CYRIB: variants seen among roughly 807,000 people sequenced by gnomAD.
CYRIB encodes the protein CYFIP related Rac1 interactor B, also known as CYFIP-related Rac1 interactor B.
In CYRIB, 8 loss-of-function variants were observed where a neutral mutation model predicts 44.2. The ratio of observed to expected loss-of-function variants is 0.18; its 90% CI spans 0.11 to 0.33. The LOEUF is 0.33. Among genes scored for constraint, CYRIB ranks in the 10% least tolerant of loss-of-function variants. The pLI, the probability that CYRIB is intolerant of heterozygous loss-of-function variation, is 1.00. For synonymous variants in CYRIB, 131 were observed against 127.2 expected (o/e 1.03, Z -0.20); for missense variants, 185 against 382.8 (o/e 0.48, Z 4.31).
intron 3 of CYRIB, among the ~76,000 whole-genome samples, chr8:129,877,663 G>GATGT (rs3222125): frequency 9.9e-5 from 13 of 130,684 alleles, no homozygotes; most frequent in African/African-American, 3.9e-4. Flanking sequence ...AAAAAAAAAA[G>GATGT]GTGTGTGTGT....
intron 1 of CYRIB, among the ~76,000 whole-genome samples, chr8:129,938,831 A>G (rs2093273155): frequency 6.6e-6 from 1 of 152,228 alleles, no homozygotes; most frequent in Admixed American, 6.5e-5. Context: ...AAAGGTACTC[A>G]GTATGACCCA....
At chr8:130,000,580 C>A (rs530103597) in intron 1 of CYRIB, among the ~76,000 whole-genome samples, 50 of 152,234 alleles carry the variant, frequency 3.3e-4, no homozygotes, top group African/African-American at 1.2e-3. Flanking sequence ...ACAGTCCCAG[C>A]TACTCAGAGG....
chr8:129,853,480 T>C (rs2044447735), intron 7 of CYRIB, among the ~76,000 whole-genome samples: 1 of 152,346 alleles, frequency 6.6e-6, no homozygotes, highest in Admixed American at 6.5e-5. Flanking sequence ...ATTTTAAATA[T>C]CTTATGCCAC....
chr8:129,897,272 C>T (rs1250282097), intron 2 of CYRIB, among the ~76,000 whole-genome samples: 3 of 152,138 alleles, frequency 2.0e-5, no homozygotes, highest in Non-Finnish European at 4.4e-5. Flanking sequence ...AAATTTTAGA[C>T]TTTGGTCAAT....
intron 1 of CYRIB, among the ~76,000 whole-genome samples, chr8:129,910,743 G>A (rs534413710): frequency 2.5e-4 from 38 of 152,164 alleles, no homozygotes; most frequent in Non-Finnish European, 3.8e-4. Flanking sequence ...GGCCACAGTG[G>A]GCTATGAGTG....
rs1011353781 is a variant in CYRIB at position 129,871,251 on chromosome 8, T to A, written c.195+124A>T. ...CAATCACTTCTGAAACAATGCCAAG[T>A]GAGCATCCTTCAAATATAATACTTA... On this transcript the variant is annotated intron_variant, in intron 4 of 11. Coordinates refer to ENST00000519824, the Ensembl canonical transcript of CYRIB. 4.4e-6 allele frequency: 5 copies of A among 1,132,292 alleles called. No individual in the cohort carries two copies. The African/African-American group carries it at 8.2e-5, about 19-fold the overall frequency. 70.1% of individuals were successfully genotyped at this position (1,132,292 alleles called of 1,614,324 possible).
chr8:129,889,388 A>C (rs949005675), intron 2 of CYRIB, among the ~76,000 whole-genome samples: 3 of 152,240 alleles, frequency 2.0e-5, no homozygotes, highest in African/African-American at 7.2e-5. Flanking sequence ...CTCATGGATC[A>C]CAAAGTAATT....
chr8:129,971,184 G>A (rs1429690007), intron 1 of CYRIB, among the ~76,000 whole-genome samples, 189 bp from the exon 2 acceptor site: 2 of 152,170 alleles, frequency 1.3e-5, no homozygotes, highest in African/African-American at 4.8e-5. Flanking sequence ...CTGTCGCCTA[G>A]GCTGGAGTGC....
intron 2 of CYRIB, among the ~76,000 whole-genome samples, chr8:129,966,667 A>G (rs917400022): frequency 9.2e-5 from 14 of 152,320 alleles, no homozygotes; most frequent in South Asian, 2.1e-4. Context: ...ATTCAAGACC[A>G]GCCTCTATAA....
chr8:129,884,576 C>T (rs1420402851), intron 2 of CYRIB, among the ~76,000 whole-genome samples: 1 of 152,156 alleles, frequency 6.6e-6, no homozygotes, highest in Non-Finnish European at 1.5e-5. Flanking sequence ...GCGTGAGCCA[C>T]CAGGCCCGGC....
intron 5 of CYRIB, among the ~76,000 whole-genome samples, chr8:129,859,971 G>GGTAATC (rs1267524470): frequency 1.3e-5 from 2 of 152,154 alleles, no homozygotes; most frequent in African/African-American, 4.8e-5. Flanking sequence ...AAATTAAGCA[G>GGTAATC]GTAATCCTTG....
intron 3 of CYRIB, among the ~76,000 whole-genome samples, chr8:129,876,849 TA>T (rs1287799746): frequency 6.6e-6 from 1 of 152,210 alleles, no homozygotes; most frequent in African/African-American, 2.4e-5. Flanking sequence ...GTGACATGAA[TA>T]TTAAAGTGCA....
At chr8:129,930,379 A>ATATATATATATATATATATATATG (rs971468534) in intron 1 of CYRIB, among the ~76,000 whole-genome samples, 1 of 130,136 alleles carries the variant, frequency 7.7e-6, no homozygotes, top group Non-Finnish European at 1.6e-5. Flanking sequence ...ATATATATAT[A>ATATATATATATATATATATATATG]TTTTAATTAT....
intron 1 of CYRIB, among the ~76,000 whole-genome samples, chr8:129,991,393 G>A (rs1262755697): frequency 1.3e-5 from 2 of 152,116 alleles, no homozygotes; most frequent in African/African-American, 2.4e-5. Context: ...TGGATCATGA[G>A]GACTCTGCCC....
intron 5 of CYRIB, among the ~76,000 whole-genome samples, chr8:129,861,832 G>A (rs146094952): frequency 1.3e-5 from 2 of 152,036 alleles, no homozygotes; most frequent in Non-Finnish European, 2.9e-5. Context: ...TGATTTCTTT[G>A]GATGCTAAAG....
chr8:129,884,856 A>AT (rs915275411), intron 2 of CYRIB, among the ~76,000 whole-genome samples: 13 of 152,162 alleles, frequency 8.5e-5, no homozygotes, highest in African/African-American at 2.4e-4. Context: ...TTCTGGTGGA[A>AT]TTTTTTTTAC....
At chr8:129,916,374 T>G (rs572254147) in intron 1 of CYRIB, among the ~76,000 whole-genome samples, 1 of 152,054 alleles carries the variant, frequency 6.6e-6, no homozygotes, top group Non-Finnish European at 1.5e-5. Context: ...AGTCAAGCAC[T>G]ATAAGAGACA....
chr8:129,975,253 C>T (rs943797199), intron 1 of CYRIB, among the ~76,000 whole-genome samples: 3 of 151,476 alleles, frequency 2.0e-5, no homozygotes, highest in South Asian at 2.1e-4. Context: ...TAACCTCAAG[C>T]GATCCTCCCG....
At chr8:129,937,383 C>G (rs2093005733) in intron 1 of CYRIB, among the ~76,000 whole-genome samples, 1 of 152,184 alleles carries the variant, frequency 6.6e-6, no homozygotes, top group Non-Finnish European at 1.5e-5. Flanking sequence ...AGTATCTTCC[C>G]CCATGGAGAC....
Sources: allele counts gnomAD v4.1 joint callset (sites outside exome capture counted in the v4.1 genomes callset), GRCh38; gene constraint gnomAD v4.1.1; transcripts MANE v1.5; gene names NCBI Gene and HGNC (gene_info 2026-07-23, HGNC 2026-07-21).